TNNC2: variants seen among roughly 807,000 people sequenced by gnomAD.
The protein encoded by TNNC2 is troponin C2, fast skeletal type.
TNNC2 carries 14 observed loss-of-function variants against 20.0 expected under a neutral mutation model. The ratio of observed to expected loss-of-function variants is 0.70; its 90% CI spans 0.46 to 1.09. The LOEUF is 1.09. Ranked by LOEUF, TNNC2 falls within the 50% of genes least tolerant of loss-of-function variation. The probability of loss-of-function intolerance (pLI) is 0.00; values close to 1 mark genes in which losing one functional copy is unlikely to be tolerated. For synonymous variants in TNNC2, 81 were observed against 77.3 expected (o/e 1.05, Z -0.25); for missense variants, 163 against 223.8 (o/e 0.73, Z 1.73).
In TNNC2 at chr20:45,824,836, T is replaced by G; in HGVS notation, c.4-2A>C. 1 of 1,614,144 alleles carries G rather than the reference T, an allele frequency of 6.2e-7. No individual in the cohort carries two copies. The highest frequency in any genetic ancestry group is 8.5e-7 in the Non-Finnish European group (1 of 1,180,026). ...CCTGGCCTCAGCCTGCTGGTCCGTCTGCAGGAGACACAGAGAAAGTCTGAG... is the reference window on the plus strand; with the variant it reads ...CCTGGCCTCAGCCTGCTGGTCCGTCGGCAGGAGACACAGAGAAAGTCTGAG... On this transcript the variant is annotated splice_acceptor_variant, in intron 1 of 5. Coordinates refer to ENST00000372555, the MANE Select transcript of TNNC2 (RefSeq NM_003279.3). LOFTEE classifies it high-confidence loss of function.
chr20:45,829,687 G>A (rs745906007), upstream of TNNC2, among the ~76,000 whole-genome samples: 4 of 151,822 alleles, frequency 2.6e-5, no homozygotes, highest in Admixed American at 6.6e-5. Flanking sequence ...GGCTGAGGCT[G>A]AGGCAGGAGA....
At position 45,824,488 on chromosome 20, in the gene TNNC2, C is replaced by T. The variant is rs777497097; in HGVS notation, c.199+7G>A. 6.2e-7 allele frequency: 1 copy of T among 1,613,418 alleles called. No homozygotes were observed. The highest frequency in any genetic ancestry group is 8.5e-7 in the Non-Finnish European group (1 of 1,179,990). ...CCATCCCCTGCCTCCGAGGGACACC[C>T]GCTCACCGTCCTCATCCACCTCCTC... On this transcript the variant is annotated splice_region_variant and intron_variant, in intron 3 of 5. Coordinates refer to ENST00000372555, the MANE Select transcript of TNNC2 (RefSeq NM_003279.3).
At chr20:45,830,376 C>T (rs1983080818), upstream of TNNC2, among the ~76,000 whole-genome samples, 1 of 151,438 alleles carries the variant, frequency 6.6e-6, no homozygotes, top group Non-Finnish European at 1.5e-5. Flanking sequence ...CTAAACACCA[C>T]CTTCTATGAA....
chr20:45,832,928 G>T (rs1345836689), intron 2 of TNNC2, among the ~76,000 whole-genome samples: 1 of 152,210 alleles, frequency 6.6e-6, no homozygotes, highest in Non-Finnish European at 1.5e-5. Context: ...GATCACTTGA[G>T]CCCAGGAATT....
At chr20:45,829,562 G>A (rs1462206254), upstream of TNNC2, among the ~76,000 whole-genome samples, 1 of 151,662 alleles carries the variant, frequency 6.6e-6, no homozygotes, top group Non-Finnish European at 1.5e-5. Flanking sequence ...GGCGGATCAC[G>A]AGGTCAGGAG....
upstream of TNNC2, among the ~76,000 whole-genome samples, chr20:45,830,676 T>C (rs1983088201): frequency 6.6e-6 from 1 of 152,174 alleles, no homozygotes; most frequent in South Asian, 2.1e-4. Context: ...ATATTCTACA[T>C]AAGAATAACT....
upstream of TNNC2, among the ~76,000 whole-genome samples, chr20:45,831,734 T>C (rs1420449275): frequency 6.6e-6 from 1 of 152,198 alleles, no homozygotes; most frequent in African/African-American, 2.4e-5. Context: ...GTTCTGACTG[T>C]TTATATGACC....
At position 45,823,963 on chromosome 20, in the gene TNNC2, C is replaced by T. The variant is rs537198656; in HGVS notation, c.451+28G>A. 9.3e-5 allele frequency: 150 copies of T among 1,613,572 alleles called. No individual in the cohort carries two copies. The Middle Eastern group carries it at 9.9e-4, about 11-fold the overall frequency. On this transcript the variant is annotated intron_variant, in intron 5 of 5. Coordinates refer to ENST00000372555, the MANE Select transcript of TNNC2 (RefSeq NM_003279.3). This position sits in a 1 kb window ranked among gnomAD's most constrained non-coding sequence, Gnocchi z 4.6. ...CGCCGTCCTCTGGGGCTCCCACCCG[C>T]TCTTCCCAAGCTCCCGTTGGCCCTC...
chr20:45,827,435 A>G, upstream of TNNC2: 1 of 661,770 alleles, frequency 1.5e-6, no homozygotes, highest in Non-Finnish European at 2.6e-6. Flanking sequence ...CCCCTCCCAC[A>G]GTCTGAACCC....
intron 2 of TNNC2, 58 bp from the exon 3 acceptor site, chr20:45,824,696 A>ACCAC: frequency 7.2e-7 from 1 of 1,385,650 alleles, no homozygotes; most frequent in South Asian, 1.3e-5. Flanking sequence ...CCTCACACCT[A>ACCAC]CCCCCCCCCA....
At chr20:45,824,700 C>G (rs549201770) in intron 2 of TNNC2, 62 bp from the exon 3 acceptor site, 2 of 1,563,904 alleles carry the variant, frequency 1.3e-6, no homozygotes, top group Admixed American at 1.8e-5. Flanking sequence ...ACACCTACCC[C>G]CCCCCAACCC....
In TNNC2 at chr20:45,823,889, C is replaced by T; in HGVS notation, c.451+102G>A. 1 of 1,565,744 alleles carries T rather than the reference C, an allele frequency of 6.4e-7. No individual in the cohort carries two copies. The highest frequency in any genetic ancestry group is 2.3e-5 in the East Asian group (1 of 44,390). The stretch of plus-strand genomic sequence containing the variant: ...GGGAACTTGGTGAAGTTACGCCCAG[C>T]CCAGCCCACAAGGCCAAGGACACTG... On this transcript the variant is annotated intron_variant, in intron 5 of 5. Coordinates refer to ENST00000372555, the MANE Select transcript of TNNC2 (RefSeq NM_003279.3). The surrounding 1 kb of genome is among the most constrained non-coding windows in gnomAD (Gnocchi z 4.6).
rs144632671 is a variant in TNNC2, at chr20:45,824,535, C to T, written c.159G>A (p.Lys53=). ...CCTCGATGATGGCGTCCAGCTCCTC[C>T]TTGGTGGGTGTCTGGCCCAGCATCC... ...VMRMLGQTPT[K]EELDAIIEEV... is the part of the protein sequence containing the mutation. Residue 53 remains lysine, a synonymous_variant, in exon 3 of 6, where the codon AAG becomes AAA. Coordinates refer to ENST00000372555, the MANE Select transcript of TNNC2 (RefSeq NM_003279.3). The T allele has an allele frequency of 1.1e-3, 1,760 of 1,613,696 alleles. 4 individuals carry two copies. Among genetic ancestry groups the T allele is most frequent in the Middle Eastern group, 2.0e-3 (12 of 6,062 alleles).
Position 45,824,142 on chromosome 20 carries a change from G to GCCT in TNNC2, c.315-16_315-15insAGG, listed in dbSNP as rs1490770282. ...CGTCTGCATTCCTTCAGGTCCGAGG[G>GCCT]ACAGGGCAGGGCTCAGGGCCGGGGC... On this transcript the variant is annotated splice_polypyrimidine_tract_variant and intron_variant, in intron 4 of 5. Coordinates refer to ENST00000372555, the MANE Select transcript of TNNC2 (RefSeq NM_003279.3). The GCCT allele has an allele frequency of 3.1e-6, 5 of 1,613,146 alleles. No homozygotes were observed. Among genetic ancestry groups the GCCT allele is most frequent in the Non-Finnish European group, 3.4e-6 (4 of 1,179,808 alleles).
intron 4 of TNNC2, 49 bp downstream of exon 4, chr20:45,824,243 G>T: frequency 1.2e-6 from 2 of 1,602,874 alleles, no homozygotes; most frequent in Non-Finnish European, 1.7e-6. Flanking sequence ...GCTGCCGGCC[G>T]GGTTCTGACT....
At chr20:45,828,198 T>G (rs867730069), upstream of TNNC2, among the ~76,000 whole-genome samples, 20 of 27,938 alleles carry the variant, frequency 7.2e-4, no homozygotes, top group South Asian at 0.013. Context: ...CACCCCTGGC[T>G]TTTTTTTTTT....
At position 45,823,672 on chromosome 20, in the gene TNNC2, T is replaced by A. The variant is rs1982869527; in HGVS notation, c.452-293A>T. Among the ~76,000 whole-genome samples the A allele has an allele frequency of 6.6e-6, 1 of 152,022 alleles. No homozygotes were observed. Among genetic ancestry groups the A allele is most frequent in the Admixed American group, 6.6e-5 (1 of 15,254 alleles). ...CTGCCTTTTTATTTTATTTTATTTTTTGTAAAGACAGGGTCTCACTATGTT... is the reference window on the plus strand; with the variant it reads ...CTGCCTTTTTATTTTATTTTATTTTATGTAAAGACAGGGTCTCACTATGTT... On this transcript the variant is annotated intron_variant, in intron 5 of 5. Coordinates refer to ENST00000372555, the MANE Select transcript of TNNC2 (RefSeq NM_003279.3). This position sits in a 1 kb window ranked among gnomAD's most constrained non-coding sequence, Gnocchi z 4.6.
At chr20:45,827,534 G>A (rs1481754452), upstream of TNNC2, among the ~76,000 whole-genome samples, 1 of 152,160 alleles carries the variant, frequency 6.6e-6, no homozygotes, top group Non-Finnish European at 1.5e-5. Context: ...TTGTGAGGAA[G>A]GCCTGCCCTG....
At chr20:45,830,719 G>A (rs1271148768), upstream of TNNC2, among the ~76,000 whole-genome samples, 2 of 152,178 alleles carry the variant, frequency 1.3e-5, no homozygotes, top group African/African-American at 2.4e-5. Flanking sequence ...ATATAAGGGG[G>A]AACTTCCTAA....
Sources: gnomAD v4.1 joint callset for allele counts (sites outside exome capture counted in the v4.1 genomes callset) on GRCh38, gnomAD v4.1.1 for gene constraint, Gnocchi (gnomAD v3.1) non-coding constraint, MANE v1.5 for transcripts, NCBI Gene and HGNC (gene_info 2026-07-23, HGNC 2026-07-21) for gene names.